Variants in ADAMTS12 observed in about 807,000 individuals in gnomAD.
The protein encoded by ADAMTS12 is A disintegrin and metalloproteinase with thrombospondin motifs 12.
In ADAMTS12, 118 loss-of-function variants were observed where a neutral mutation model predicts 167.8. The observed-to-expected ratio is 0.70, with a 90% confidence interval of 0.61 to 0.82. The LOEUF is 0.82. ADAMTS12 is among the 40% of genes least tolerant of loss of function. The probability of loss-of-function intolerance (pLI) is 0.00; values close to 1 mark genes in which losing one functional copy is unlikely to be tolerated. For synonymous variants in ADAMTS12, 704 were observed against 716.9 expected (o/e 0.98, Z 0.29); for missense variants, 1,916 against 1,998.8 (o/e 0.96, Z 0.79).
Position 33,528,483 on chromosome 5 carries a change from T to G in ADAMTS12, c.4607-1117A>C, listed in dbSNP as rs368978625. On this transcript the variant is annotated intron_variant, in intron 23 of 23. Transcript: ENST00000504830. ...TTTAAACCCGAGTGTCGGGGTGCTT[T>G]GCTATGCAGTATTGCTATGGAAATA... is the stretch of plus-strand genomic sequence containing the variant. Among the ~76,000 whole-genome samples the G allele has an allele frequency of 1.8e-4, 27 of 152,386 alleles. No individual in the cohort carries two copies. The South Asian group carries it at 5.0e-3, about 28-fold the overall frequency.
At chr5:33,676,260 T>G (rs1579825938) in intron 5 of ADAMTS12, among the ~76,000 whole-genome samples, 1 of 152,176 alleles carries the variant, frequency 6.6e-6, no homozygotes, top group Non-Finnish European at 1.5e-5. Flanking sequence ...TTGTAAGCTC[T>G]CTCTATAATG....
At chr5:33,780,575 G>A (rs1746089197) in intron 2 of ADAMTS12, among the ~76,000 whole-genome samples, 1 of 152,170 alleles carries the variant, frequency 6.6e-6, no homozygotes, top group Non-Finnish European at 1.5e-5. Context: ...CAGGTAGATT[G>A]ACGCAAAAAG....
chr5:33,683,108 T>C lies in ADAMTS12; in HGVS notation c.832-7A>G. 1 of 1,607,824 alleles carries C rather than the reference T, an allele frequency of 6.2e-7. No individual in the cohort carries two copies. The highest frequency in any genetic ancestry group is 8.5e-7 in the Non-Finnish European group (1 of 1,176,296). ...TATGGAACAACCCAGTGACCTAGGG[T>C]CAGAAATAGAAAACCATTAGCTCCA... On this transcript the variant is annotated splice_region_variant and splice_polypyrimidine_tract_variant and intron_variant, in intron 4 of 23. Coordinates refer to ENST00000504830, the MANE Select transcript of ADAMTS12 (RefSeq NM_030955.4).
chr5:33,602,456 T>A (rs1738236049), intron 16 of ADAMTS12, among the ~76,000 whole-genome samples: 1 of 152,236 alleles, frequency 6.6e-6, no homozygotes, highest in Non-Finnish European at 1.5e-5. Flanking sequence ...ATCATCTGAA[T>A]TCGTCCTCCT....
rs1749556691 is a variant in ADAMTS12, at chr5:33,860,211, C to A, written c.489+20908G>T. ...TTCAGAAGTTAGGTAATAACAAACT[C>A]CTCTGAGCTAAAGGAGCATGTTCTA... On this transcript the variant is annotated intron_variant, in intron 2 of 23. Coordinates refer to ENST00000504830, the MANE Select transcript of ADAMTS12 (RefSeq NM_030955.4). Among the ~76,000 whole-genome samples, 4 of 152,014 alleles carry A rather than the reference C, an allele frequency of 2.6e-5. No homozygotes were observed. In the South Asian group the frequency reaches 8.3e-4, roughly 32 times the overall value.
At position 33,781,122 on chromosome 5, in the gene ADAMTS12, A is replaced by G. The variant is rs113152333; in HGVS notation, c.490-29574T>C. On this transcript the variant is annotated intron_variant, in intron 2 of 23. Transcript: ENST00000504830. ...TCTTGGGGGACATTTATTCTTTCAGACTTTATGCTGTAAGGTAAGAAAATA... is the reference window on the plus strand; with the variant it reads ...TCTTGGGGGACATTTATTCTTTCAGGCTTTATGCTGTAAGGTAAGAAAATA... Among the ~76,000 whole-genome samples the G allele has an allele frequency of 2.0e-3, 307 of 152,292 alleles. 5 individuals are homozygous for G. The highest frequency in any genetic ancestry group is 5.6e-3 in the African/African-American group (233 of 41,560).
chr5:33,560,915 A>T, intron 20 of ADAMTS12, 112 bp downstream of exon 20: 1 of 1,309,548 alleles, frequency 7.6e-7, no homozygotes, highest in Non-Finnish European at 1.0e-6. Flanking sequence ...AACTTTAATT[A>T]AGAAAAAGAA....
chr5:33,693,750 A>G (rs1442576307), intron 3 of ADAMTS12, among the ~76,000 whole-genome samples: 1 of 152,180 alleles, frequency 6.6e-6, no homozygotes, highest in Admixed American at 6.5e-5. Flanking sequence ...CCCCTTGAGA[A>G]CCAGAAGAAG....
intron 7 of ADAMTS12, among the ~76,000 whole-genome samples, chr5:33,654,874 T>TTTTTTG (rs148735809): frequency 3.2e-4 from 45 of 141,668 alleles, no homozygotes; most frequent in African/African-American, 1.2e-3. Flanking sequence ...GTGGGTGATT[T>TTTTTTG]TGTGTGTGTG....
intron 3 of ADAMTS12, among the ~76,000 whole-genome samples, chr5:33,733,983 C>A: frequency 6.9e-6 from 1 of 144,536 alleles, no homozygotes; most frequent in African/African-American, 2.6e-5. Context: ...GATGTCAAAG[C>A]CTACACTTCC....
At chr5:33,866,685 G>T (rs1287387659) in intron 2 of ADAMTS12, among the ~76,000 whole-genome samples, 10 of 151,902 alleles carry the variant, frequency 6.6e-5, no homozygotes, top group Non-Finnish European at 2.9e-5. Flanking sequence ...GACAATATTT[G>T]CTAACTATGC....
In ADAMTS12 at chr5:33,726,778, G is replaced by T. The variant is rs568432733; in HGVS notation, c.634+24626C>A. Among the ~76,000 whole-genome samples, 32 of 152,192 alleles carry T rather than the reference G, an allele frequency of 2.1e-4. No homozygotes were observed. The South Asian group carries it at 5.8e-3, about 28-fold the overall frequency. Reference sequence around the variant, plus strand: ...AAGAATTCAAATATGCAAGTGCAGAGGCTTTCTTGGGCCAAATTCAGCTTG... The same window carrying T: ...AAGAATTCAAATATGCAAGTGCAGATGCTTTCTTGGGCCAAATTCAGCTTG... On this transcript the variant is annotated intron_variant, in intron 3 of 23. Coordinates refer to ENST00000504830, the MANE Select transcript of ADAMTS12 (RefSeq NM_030955.4).
intron 2 of ADAMTS12, among the ~76,000 whole-genome samples, chr5:33,817,953 T>G (rs1340118015): frequency 2.0e-5 from 3 of 152,106 alleles, no homozygotes; most frequent in Admixed American, 6.6e-5. Flanking sequence ...GGTTTTATCA[T>G]GTGAAAAGAG....
At chr5:33,549,166 C>T in intron 21 of ADAMTS12, 41 bp downstream of exon 21, 1 of 1,594,308 alleles carries the variant, frequency 6.3e-7, no homozygotes, top group Non-Finnish European at 8.6e-7. Context: ...CATGGCTTGC[C>T]AGGTTGTGTG....
intron 2 of ADAMTS12, among the ~76,000 whole-genome samples, chr5:33,835,405 T>C (rs1291696023): frequency 6.6e-6 from 1 of 152,238 alleles, no homozygotes; most frequent in Non-Finnish European, 1.5e-5. Context: ...AATAGTATTG[T>C]CTTACTCCAT....
intron 3 of ADAMTS12, among the ~76,000 whole-genome samples, chr5:33,706,692 A>G (rs1402565765): frequency 1.3e-5 from 2 of 152,204 alleles, no homozygotes; most frequent in Non-Finnish European, 2.9e-5. Context: ...TGATCGTGTC[A>G]TTATGATGCT....
intron 23 of ADAMTS12, among the ~76,000 whole-genome samples, chr5:33,528,864 G>A (rs1298571950): frequency 6.6e-6 from 1 of 152,148 alleles, no homozygotes; most frequent in Non-Finnish European, 1.5e-5. Context: ...AGCCAACATG[G>A]TGAAACCCCG....
intron 19 of ADAMTS12, among the ~76,000 whole-genome samples, chr5:33,565,719 C>T (rs1745983720): frequency 6.9e-6 from 1 of 145,072 alleles, no homozygotes; most frequent in Non-Finnish European, 1.5e-5. Context: ...TCAATAAGAC[C>T]ATTTATTTCT....
chr5:33,658,182 A>G lies in ADAMTS12; in HGVS notation c.1190+2T>C. 6 of 1,613,198 alleles carry G rather than the reference A, an allele frequency of 3.7e-6. No individual in the cohort carries two copies. The highest frequency in any genetic ancestry group is 5.1e-6 in the Non-Finnish European group (6 of 1,179,448). ...CAAACCTCCCTATCATTGGCCCTTT[A>G]CCTGTGTCCTAGCTCATGGGCAATT... On this transcript the variant is annotated splice_donor_variant, in intron 7 of 23. Transcript: ENST00000504830. LOFTEE classifies it high-confidence loss of function.
Sources: allele counts gnomAD v4.1 joint callset (sites outside exome capture counted in the v4.1 genomes callset), GRCh38; gene constraint gnomAD v4.1.1; transcripts MANE v1.5; gene names NCBI Gene and HGNC (gene_info 2026-07-23, HGNC 2026-07-21).